PDE4D: variants seen among roughly 807,000 people sequenced by gnomAD.
PDE4D encodes the protein phosphodiesterase 4D.
In PDE4D, 24 loss-of-function variants were observed where a neutral mutation model predicts 87.4. That is an observed-to-expected ratio of 0.27 (90% CI 0.20 to 0.39). PDE4D has a LOEUF of 0.39. Among genes scored for constraint, PDE4D ranks in the 10% least tolerant of loss-of-function variants. The pLI is 1.00. For synonymous variants in PDE4D, 384 were observed against 383.2 expected, an observed-to-expected ratio of 1.00 and a Z score of -0.02; for missense variants, 714 against 1,041.0, an observed-to-expected ratio of 0.69 and a Z score of 4.32.
intron 1 of PDE4D, among the ~76,000 whole-genome samples, chr5:59,640,649 G>T (rs1741422759): frequency 6.6e-6 from 1 of 152,088 alleles, no homozygotes; most frequent in Non-Finnish European, 1.5e-5. Flanking sequence ...ATGTCACTTG[G>T]CAGCTTCTTC....
chr5:59,850,849 C>G (rs1358640752), intron 1 of PDE4D, among the ~76,000 whole-genome samples: 1 of 151,998 alleles, frequency 6.6e-6, no homozygotes, highest in Non-Finnish European at 1.5e-5. Context: ...GTGGGCATGA[C>G]AGAGAATGGA....
intron 1 of PDE4D, among the ~76,000 whole-genome samples, chr5:59,432,931 T>C (rs1796318245): frequency 6.6e-6 from 1 of 152,162 alleles, no homozygotes; most frequent in Non-Finnish European, 1.5e-5. Flanking sequence ...CTCTTCAGTA[T>C]ATTTTTCTTA....
intron 1 of PDE4D, among the ~76,000 whole-genome samples, chr5:59,269,103 GA>G (rs369038626): frequency 3.4e-5 from 5 of 146,804 alleles, no homozygotes; most frequent in Admixed American, 6.8e-5. Flanking sequence ...CCGTGGGGAA[GA>G]AAAAAAAAAG....
chr5:60,372,837 G>C (rs772423500), intron 1 of PDE4D: 1 of 152,140 alleles, frequency 6.6e-6, no homozygotes, highest in Non-Finnish European at 1.5e-5. Context: ...CTGGTTCAAT[G>C]CCTGGTAGAT....
At chr5:60,471,708 C>A (rs1223495287) in intron 1 of PDE4D, among the ~76,000 whole-genome samples, 1 of 152,086 alleles carries the variant, frequency 6.6e-6, no homozygotes, top group Non-Finnish European at 1.5e-5. Flanking sequence ...TTTTTAACAA[C>A]CAGTATTTTT....
chr5:59,450,561 A>G (rs549236678), intron 1 of PDE4D, among the ~76,000 whole-genome samples: 12 of 152,302 alleles, frequency 7.9e-5, no homozygotes, highest in Admixed American at 2.6e-4. Flanking sequence ...ACATTTTTAA[A>G]TTCTAACAAC....
intron 1 of PDE4D, among the ~76,000 whole-genome samples, chr5:60,214,074 C>T (rs573331838): frequency 7.2e-5 from 11 of 152,242 alleles, no homozygotes; most frequent in East Asian, 1.9e-4. Flanking sequence ...CCATTGCAGA[C>T]GCTCAACTTC....
chr5:59,413,457 CAAAAAA>C (rs34074485), intron 1 of PDE4D, among the ~76,000 whole-genome samples: 47 of 54,418 alleles, frequency 8.6e-4, no homozygotes, highest in Admixed American at 7.0e-3. Flanking sequence ...GACTCCATCT[CAAAAAA>C]AAAAAAAAAA....
intron 1 of PDE4D, among the ~76,000 whole-genome samples, chr5:59,813,232 T>A (rs922024477): frequency 6.6e-6 from 1 of 152,208 alleles, no homozygotes; most frequent in East Asian, 1.9e-4. Context: ...AAGTCAAGTT[T>A]ACATTGGCTC....
At chr5:59,797,066 C>T (rs191512116) in intron 1 of PDE4D, 6 of 151,066 alleles carry the variant, frequency 4.0e-5, no homozygotes, top group Admixed American at 3.3e-4. Context: ...ATACCTGAGC[C>T]GTTGCATCAA....
At chr5:59,004,239 A>T (rs552734896) in intron 6 of PDE4D, among the ~76,000 whole-genome samples, 1 of 152,352 alleles carries the variant, frequency 6.6e-6, no homozygotes, top group African/African-American at 2.4e-5. Context: ...ACTACATTTT[A>T]AAAAGTAGTC....
intron 2 of PDE4D, among the ~76,000 whole-genome samples, chr5:60,077,568 G>A (rs1187329454): frequency 6.6e-6 from 1 of 152,150 alleles, no homozygotes; most frequent in Non-Finnish European, 1.5e-5. Flanking sequence ...GACCAAGGGG[G>A]TACTCAAGGT....
At chr5:59,185,113 G>T in intron 4 of PDE4D, 76 bp downstream of exon 4, 1 of 1,098,350 alleles carries the variant, frequency 9.1e-7, no homozygotes, top group Non-Finnish European at 1.4e-6. Context: ...CTAACATATT[G>T]CCTTGGGCTC....
intron 1 of PDE4D, among the ~76,000 whole-genome samples, chr5:59,299,093 G>A (rs1318268346): frequency 1.3e-5 from 2 of 152,084 alleles, no homozygotes; most frequent in African/African-American, 4.8e-5. Flanking sequence ...CTGAATACCC[G>A]CCTCTCAAAG....
At chr5:59,702,996 TAC>T (rs1561505489) in intron 1 of PDE4D, among the ~76,000 whole-genome samples, 1 of 152,048 alleles carries the variant, frequency 6.6e-6, no homozygotes. Flanking sequence ...CATAATCTCT[TAC>T]ACAGTTTGGA....
At chr5:59,297,115 A>G (rs1323199279) in intron 1 of PDE4D, among the ~76,000 whole-genome samples, 2 of 152,178 alleles carry the variant, frequency 1.3e-5, no homozygotes, top group South Asian at 2.1e-4. Flanking sequence ...CAAAGATTGC[A>G]GAAGAATTAA....
At chr5:59,703,077 T>C (rs1752842429) in intron 1 of PDE4D, among the ~76,000 whole-genome samples, 1 of 152,152 alleles carries the variant, frequency 6.6e-6, no homozygotes, top group African/African-American at 2.4e-5. Flanking sequence ...TGAGTCTCAC[T>C]GGGACAACAC....
At chr5:59,933,369 G>A (rs1390064792) in intron 3 of PDE4D, among the ~76,000 whole-genome samples, 3 of 152,178 alleles carry the variant, frequency 2.0e-5, no homozygotes, top group Non-Finnish European at 4.4e-5. Flanking sequence ...TAAACATGAT[G>A]TTGAGAAAGA....
At chr5:59,627,576 A>T (rs1385720330) in intron 1 of PDE4D, among the ~76,000 whole-genome samples, 1 of 152,138 alleles carries the variant, frequency 6.6e-6, no homozygotes, top group African/African-American at 2.4e-5. Context: ...ATATCAATGA[A>T]TGCCTCCTTT....
Sources: gnomAD v4.1 joint callset for allele counts (sites outside exome capture counted in the v4.1 genomes callset) on GRCh38, gnomAD v4.1.1 for gene constraint, MANE v1.5 for transcripts, NCBI Gene and HGNC (gene_info 2026-07-23, HGNC 2026-07-21) for gene names.